C15orf40: variants seen among roughly 807,000 people sequenced by gnomAD.
The protein encoded by C15orf40 is UPF0235 protein C15orf40.
Under a neutral mutation model 13.9 loss-of-function variants are expected in C15orf40, and 9 were observed. That is an observed-to-expected ratio of 0.65 (90% confidence interval 0.39 to 1.13). C15orf40 has a LOEUF of 1.13. C15orf40 is among the 50% of genes most tolerant of loss of function. C15orf40 has a pLI of 0.01. For synonymous variants in C15orf40, 95 were observed against 69.2 expected (o/e 1.37, Z -1.85); for missense variants, 225 against 188.5 (o/e 1.19, Z -1.13).
At chr15:82,991,732 G>A (rs192701220), downstream of C15orf40, among the ~76,000 whole-genome samples, 25 of 152,196 alleles carry the variant, frequency 1.6e-4, no homozygotes, top group African/African-American at 6.0e-4. Context: ...CTAATAAGTC[G>A]GGCAGTCACA....
chr15:82,989,527 G>A (rs1283928024), downstream of C15orf40, among the ~76,000 whole-genome samples: 1 of 152,142 alleles, frequency 6.6e-6, no homozygotes, highest in Admixed American at 6.5e-5. Context: ...TTTACTTTAG[G>A]AAGAAGTTTA....
chr15:82,989,277 C>A, downstream of C15orf40: 1 of 1,402,732 alleles, frequency 7.1e-7, no homozygotes, highest in Non-Finnish European at 9.6e-7. Context: ...AGGGCAGGGA[C>A]CAGTGTTTTT....
chr15:83,006,843 G>A (rs1221327152), intron 3 of C15orf40, among the ~76,000 whole-genome samples: 1 of 152,232 alleles, frequency 6.6e-6, no homozygotes, highest in Non-Finnish European at 1.5e-5. Context: ...TTATTTAGAT[G>A]AGTGGAATTT....
chr15:83,006,807 A>G (rs187198432), intron 3 of C15orf40, among the ~76,000 whole-genome samples: 2 of 152,352 alleles, frequency 1.3e-5, no homozygotes, highest in East Asian at 1.9e-4. Context: ...CACAGCCTTT[A>G]AAGAAGATAA....
In C15orf40 at chr15:82,998,066, G is replaced by T. The variant is rs1285454861; in HGVS notation, c.*7531C>A. On this transcript the variant is annotated 3_prime_UTR_variant, in exon 4 of 4. Coordinates refer to ENST00000304177, the MANE Select transcript of C15orf40 (RefSeq NM_144597.3). ...CGGCTGACCCCCCATCTCCCTCCCG[G>T]ACGGGGTGGCTGGCCGGGCTGAGGG... 7.3e-6 allele frequency: 1 copy of T among 136,892 alleles called. No individual in the cohort carries two copies. Among genetic ancestry groups the T allele is most frequent in the East Asian group, 2.2e-4 (1 of 4,510 alleles). The allele number at this position is 136,892 out of a possible 1,614,324, so 8.5% of individuals were successfully genotyped here. A position where few individuals can be genotyped will look rare whatever the true frequency, so the allele number is the denominator to read the frequency against.
At position 83,001,010 on chromosome 15, in the gene C15orf40, G is replaced by T; in HGVS notation, c.*4587C>A. On this transcript the variant is annotated 3_prime_UTR_variant, in exon 4 of 4. Coordinates refer to ENST00000304177, the MANE Select transcript of C15orf40 (RefSeq NM_144597.3). ...GTATTTGTAGTAGAAACAGGGTTTCGCCATATTGGTCAGGCTGGTCTTAAA... is the reference window on the plus strand; with the variant it reads ...GTATTTGTAGTAGAAACAGGGTTTCTCCATATTGGTCAGGCTGGTCTTAAA... The T allele has an allele frequency of 1.9e-6, 1 of 523,446 alleles. No homozygotes were observed. Among genetic ancestry groups the T allele is most frequent in the Non-Finnish European group, 2.4e-6 (1 of 408,318 alleles). 32.4% of individuals were successfully genotyped at this position (523,446 alleles called of 1,614,324 possible).
At chr15:82,989,093 G>A (rs2030747994), downstream of C15orf40, 1 of 1,613,910 alleles carries the variant, frequency 6.2e-7, no homozygotes, top group Non-Finnish European at 8.5e-7. Context: ...ATGACAAGGA[G>A]TATCAGGAAT....
intron 1 of C15orf40, 116 bp downstream of exon 1, chr15:83,011,379 TGA>T (rs1341966449): frequency 5.0e-6 from 6 of 1,206,058 alleles, no homozygotes; most frequent in Non-Finnish European, 5.5e-6. Context: ...GCCCCGGAAC[TGA>T]GAGACGGCAA....
At chr15:83,009,009 G>A (rs1214434317) in intron 2 of C15orf40, among the ~76,000 whole-genome samples, 1 of 152,158 alleles carries the variant, frequency 6.6e-6, no homozygotes, top group Non-Finnish European at 1.5e-5. Context: ...GGGAGTCATA[G>A]ATGGCCTTCA....
At position 83,000,433 on chromosome 15, in the gene C15orf40, C is replaced by T. The variant is rs1215411780; in HGVS notation, c.*5164G>A. 2.0e-5 allele frequency: 3 copies of T among 152,222 alleles called. No homozygotes were observed. Among genetic ancestry groups the T allele is most frequent in the Non-Finnish European group, 4.4e-5 (3 of 68,050 alleles). The allele number at this position is 152,222 out of a possible 1,614,324, so 9.4% of individuals were successfully genotyped here. A position where few individuals can be genotyped will look rare whatever the true frequency, so the allele number is the denominator to read the frequency against. ...TGGCCCCAAGTTAACAACACTCCGACCTGAGCTAAATTTAAGATACAAGGG... is the reference window on the plus strand; with the variant it reads ...TGGCCCCAAGTTAACAACACTCCGATCTGAGCTAAATTTAAGATACAAGGG... On this transcript the variant is annotated 3_prime_UTR_variant, in exon 4 of 4. Transcript: ENST00000304177.
chr15:83,001,891 GTTTT>G lies in C15orf40; in HGVS notation c.*3702_*3705del, dbSNP rs764076050. On this transcript the variant is annotated 3_prime_UTR_variant, in exon 4 of 4. Transcript: ENST00000304177. ...CCTACCTCCAACAGTAGTTTGTTTTGTTTTGTTTGTTTCTGTTTTTTTGTTGTTG... is the reference window on the plus strand; with the variant it reads ...CCTACCTCCAACAGTAGTTTGTTTTGGTTTGTTTCTGTTTTTTTGTTGTTG... The G allele has an allele frequency of 1.3e-5, 2 of 150,894 alleles. No homozygotes were observed. The highest frequency in any genetic ancestry group is 2.9e-5 in the Non-Finnish European group (2 of 68,168). The allele number at this position is 150,894 out of a possible 1,614,324, so 9.3% of individuals were successfully genotyped here.
rs6603039 is a variant in C15orf40 at position 82,995,889 on chromosome 15, C to G, written c.*9708G>C. 0.048 allele frequency: 7,368 copies of G among 152,368 alleles called. 373 individuals carry two copies. The highest frequency in any genetic ancestry group is 0.13 in the African/African-American group (5,370 of 41,562). The allele number at this position is 152,368 out of a possible 1,614,324, so 9.4% of individuals were successfully genotyped here. ...CAGCACTAAGCTAGGCACATAATGG[C>G]TACCCAGTCAGTCAGGTTCGTATAT... On this transcript the variant is annotated 3_prime_UTR_variant, in exon 4 of 4. Coordinates refer to ENST00000304177, the MANE Select transcript of C15orf40 (RefSeq NM_144597.3).
Position 83,010,274 on chromosome 15 carries a change from G to T in C15orf40, c.201C>A (p.Ile67=). Residue 67 remains isoleucine (I), a synonymous_variant, in exon 2 of 4, where the codon ATC becomes ATA. Transcript: ENST00000304177. ...TTTGTTTGGAGCCAGGTTTTGCATG[G>T]ATGGCTATGGTGACGCATCCTTTAG... ...VDPKGCVTIA[I]HAKPGSKQNA... is the part of the protein sequence containing the mutation. The T allele has an allele frequency of 3.1e-6, 5 of 1,614,210 alleles. No individual in the cohort carries two copies. The highest frequency in any genetic ancestry group is 4.2e-6 in the Non-Finnish European group (5 of 1,180,028).
At chr15:83,010,463 AG>A in intron 1 of C15orf40, 100 bp from the exon 2 acceptor site, 2 of 1,409,530 alleles carry the variant, frequency 1.4e-6, no homozygotes, top group South Asian at 2.5e-5. Context: ...CAGACAAACT[AG>A]GCTCATCAGT....
downstream of C15orf40, chr15:82,989,251 G>A (rs972827780): frequency 5.1e-5 from 79 of 1,559,860 alleles, no homozygotes; most frequent in African/African-American, 9.0e-4. Flanking sequence ...TAATCTGCTA[G>A]ACTGGAAGGC....
At position 83,004,493 on chromosome 15, in the gene C15orf40, T is replaced by G; in HGVS notation, c.*1104A>C. 3.9e-6 allele frequency: 3 copies of G among 777,070 alleles called. No individual in the cohort carries two copies. Among genetic ancestry groups the G allele is most frequent in the Non-Finnish European group, 4.7e-6 (3 of 639,952 alleles). The allele number at this position is 777,070 out of a possible 1,614,324, so 48.1% of individuals were successfully genotyped here. On this transcript the variant is annotated 3_prime_UTR_variant, in exon 4 of 4. Transcript: ENST00000304177. ...ATTATTAGCTTTTGAAACTTTAATA[T>G]AGATGTAATTTCTGACAAGCTTTTA... is the stretch of plus-strand genomic sequence containing the variant.
Position 82,996,336 on chromosome 15 carries a change from A to G in C15orf40, c.*9261T>C, listed in dbSNP as rs1453699051. ...TTTTTCTCATTTTAAAATTTCCTCA[A>G]CTTGTGTGTTTACAAAATAATAAAG... is the stretch of plus-strand genomic sequence containing the variant. On this transcript the variant is annotated 3_prime_UTR_variant, in exon 4 of 4. Transcript: ENST00000304177. 6.6e-6 allele frequency: 1 copy of G among 152,200 alleles called. No individual in the cohort carries two copies. The highest frequency in any genetic ancestry group is 1.5e-5 in the Non-Finnish European group (1 of 68,048). 9.4% of individuals were successfully genotyped at this position (152,200 alleles called of 1,614,324 possible). A position where few individuals can be genotyped will look rare whatever the true frequency, so the allele number is the denominator to read the frequency against.
Position 83,010,267 on chromosome 15 carries a change from T to A in C15orf40, c.208A>T (p.Lys70Ter), listed in dbSNP as rs2031922248. 5.0e-6 allele frequency: 8 copies of A among 1,614,214 alleles called. No homozygotes were observed. The East Asian group carries it at 1.8e-4, about 36-fold the overall frequency. Reference sequence around the variant, plus strand: ...ACAGCATTTTGTTTGGAGCCAGGTTTTGCATGGATGGCTATGGTGACGCAT... The same window carrying A: ...ACAGCATTTTGTTTGGAGCCAGGTTATGCATGGATGGCTATGGTGACGCAT... ...KGCVTIAIHA[K>*]PGSKQNAVTD... is the part of the protein sequence containing the mutation. Residue 70 changes from lysine (K) to a stop codon, truncating the protein, a stop_gained, in exon 2 of 4, where the codon AAA becomes TAA. Transcript: ENST00000304177. LOFTEE classifies it high-confidence loss of function.
At position 83,011,585 on chromosome 15, in the gene C15orf40, A is replaced by AG; in HGVS notation, c.22dup (p.Leu8ProfsTer23). The AG allele has an allele frequency of 6.3e-7, 1 of 1,594,328 alleles. No homozygotes were observed. Among genetic ancestry groups the AG allele is most frequent in the Non-Finnish European group, 8.5e-7 (1 of 1,174,314 alleles). ...ATTGGGTGTTGCCCGAAGGTGCCTC[A>AG]GCCCGCTGCGGAGCCGCAGCATCCC... On this transcript the variant is annotated frameshift_variant, in exon 1 of 4. Coordinates refer to ENST00000304177, the MANE Select transcript of C15orf40 (RefSeq NM_144597.3). LOFTEE classifies it high-confidence loss of function.
Sources: gnomAD v4.1 joint callset for allele counts (sites outside exome capture counted in the v4.1 genomes callset) on GRCh38, gnomAD v4.1.1 for gene constraint, MANE v1.5 for transcripts, NCBI Gene and HGNC (gene_info 2026-07-23, HGNC 2026-07-21) for gene names.